PTN: variants seen among roughly 807,000 people sequenced by gnomAD.
The protein encoded by PTN is heparin affin regulatory protein.
In PTN, 18 loss-of-function variants were observed where a neutral mutation model predicts 24.1. That is an observed-to-expected ratio of 0.75 (90% confidence interval 0.52 to 1.11). The LOEUF (loss-of-function observed/expected upper bound fraction) is 1.11, where lower values mean the gene tolerates loss of function less well. Among genes scored for constraint, PTN ranks in the 50% least tolerant of loss-of-function variants. The pLI is 0.00. For synonymous variants in PTN, 78 were observed against 68.6 expected, an observed-to-expected ratio of 1.14 and a Z score of -0.67; for missense variants, 163 against 198.8, an observed-to-expected ratio of 0.82 and a Z score of 1.08.
chr7:137,339,063 T>G (rs1157529916), intron 1 of PTN, among the ~76,000 whole-genome samples: 1 of 147,520 alleles, frequency 6.8e-6, no homozygotes, highest in Non-Finnish European at 1.5e-5. Context: ...AAAAAAGGAG[T>G]GCCCAAAGAA....
intron 1 of PTN, among the ~76,000 whole-genome samples, chr7:137,338,155 T>G (rs1310508715): frequency 6.6e-6 from 1 of 152,152 alleles, no homozygotes; most frequent in African/African-American, 2.4e-5. Flanking sequence ...GCCTTCAATT[T>G]CCGACTCAAG....
At chr7:137,258,761 T>C (rs1808980576) in intron 1 of PTN, among the ~76,000 whole-genome samples, 1 of 152,134 alleles carries the variant, frequency 6.6e-6, no homozygotes, top group Non-Finnish European at 1.5e-5. Flanking sequence ...GTTGATTGTT[T>C]ATTTGTCCTT....
intron 1 of PTN, among the ~76,000 whole-genome samples, chr7:137,321,894 TA>T (rs957591246): frequency 2.6e-4 from 39 of 152,126 alleles, no homozygotes; most frequent in African/African-American, 8.7e-4. Context: ...CTAGGATAAG[TA>T]AAAAAAAGTT....
intron 1 of PTN, among the ~76,000 whole-genome samples, chr7:137,319,874 G>C (rs936549843): frequency 6.6e-6 from 1 of 152,174 alleles, no homozygotes; most frequent in Non-Finnish European, 1.5e-5. Flanking sequence ...TAACATCCAA[G>C]GGCCAAAGGG....
chr7:137,343,654 GACT>G lies in PTN; in HGVS notation c.-220_-218del, dbSNP rs760319601. The G allele has an allele frequency of 1.9e-6, 1 of 517,908 alleles. No individual in the cohort carries two copies. Among genetic ancestry groups the G allele is most frequent in the Non-Finnish European group, 3.9e-6 (1 of 259,388 alleles). 32.1% of individuals were successfully genotyped at this position (517,908 alleles called of 1,614,324 possible). A position where few individuals can be genotyped will look rare whatever the true frequency, so the allele number is the denominator to read the frequency against. ...TGGGGCTCTCTTGGCGGGATTTTTG[GACT>G]GGAAGGCGGGGAACCTGATCCTGCC... is the stretch of plus-strand genomic sequence containing the variant. On this transcript the variant is annotated 5_prime_UTR_variant, in exon 1 of 5. Coordinates refer to ENST00000348225, the MANE Select transcript of PTN (RefSeq NM_002825.7).
intron 1 of PTN, among the ~76,000 whole-genome samples, chr7:137,266,868 C>CTTTTTT (rs57274644): frequency 4.1e-5 from 4 of 98,744 alleles, no homozygotes; most frequent in Admixed American, 1.2e-4. Flanking sequence ...TATAGATGGC[C>CTTTTTT]TTTTTTTTTT....
At chr7:137,292,391 A>G (rs1835534) in intron 1 of PTN, among the ~76,000 whole-genome samples, 94,136 of 151,980 alleles carry the variant, frequency 0.62, 29,590 homozygotes, top group South Asian at 0.7. Context: ...AATCATGGGG[A>G]AGGGTTTTTC....
chr7:137,232,268 C>T (rs998667589), intron 4 of PTN, among the ~76,000 whole-genome samples: 1 of 151,972 alleles, frequency 6.6e-6, no homozygotes, highest in Non-Finnish European at 1.5e-5. Context: ...GTGACTTGTT[C>T]TGTTCCTACC....
chr7:137,330,746 C>T lies in PTN; in HGVS notation c.-2+12693G>A, dbSNP rs186810058. Among the ~76,000 whole-genome samples the T allele has an allele frequency of 1.1e-3, 173 of 152,258 alleles. 2 individuals carry two copies. The Middle Eastern group carries it at 0.017, about 15-fold the overall frequency. ...GATATTGCTTTGTCTTGAAACACTC[C>T]CTCTGAGAAAAACAAGAAGAGGACC... On this transcript the variant is annotated intron_variant, in intron 1 of 4. Coordinates refer to ENST00000348225, the MANE Select transcript of PTN (RefSeq NM_002825.7).
At chr7:137,232,363 G>T (rs73727898) in intron 4 of PTN, among the ~76,000 whole-genome samples, 2,735 of 151,940 alleles carry the variant, frequency 0.018, 75 homozygotes, top group African/African-American at 0.063. Context: ...CCTTTCTTTG[G>T]CCAGTTTTTG....
chr7:137,247,487 G>C (rs1238177740), intron 4 of PTN, among the ~76,000 whole-genome samples: 1 of 152,156 alleles, frequency 6.6e-6, no homozygotes, highest in East Asian at 1.9e-4. Context: ...AGGACATAGA[G>C]AGTAGAAGGA....
At position 137,238,000 on chromosome 7, in the gene PTN, C is replaced by T. The variant is rs372800217; in HGVS notation, c.452-9925G>A. Among the ~76,000 whole-genome samples the T allele has an allele frequency of 1.1e-4, 17 of 152,290 alleles. No homozygotes were observed. The South Asian group carries it at 1.2e-3, about 11-fold the overall frequency. Reference sequence around the variant, plus strand: ...CCGCCTGCATGCATGAACACTAGGACGCTAGAACAATTTTACTTCCTTCTT... The same window carrying T: ...CCGCCTGCATGCATGAACACTAGGATGCTAGAACAATTTTACTTCCTTCTT... On this transcript the variant is annotated intron_variant, in intron 4 of 4. Coordinates refer to ENST00000348225, the MANE Select transcript of PTN (RefSeq NM_002825.7).
intron 1 of PTN, among the ~76,000 whole-genome samples, chr7:137,257,960 G>A (rs7797731): frequency 0.018 from 2,689 of 152,258 alleles, 38 homozygotes; most frequent in East Asian, 0.081. Context: ...TCTACCTTCT[G>A]TAAATAATAC....
At chr7:137,284,246 G>A (rs1366036015) in intron 1 of PTN, among the ~76,000 whole-genome samples, 1 of 151,876 alleles carries the variant, frequency 6.6e-6, no homozygotes, top group Admixed American at 6.6e-5. Context: ...GTGAGCCACC[G>A]CGCCGGGCCG....
At chr7:137,283,396 G>A (rs1809503502) in intron 1 of PTN, among the ~76,000 whole-genome samples, 1 of 151,860 alleles carries the variant, frequency 6.6e-6, no homozygotes, top group Non-Finnish European at 1.5e-5. Context: ...CTTTCATTTA[G>A]GGCTGAGCTC....
chr7:137,337,703 A>G (rs998275848), intron 1 of PTN, among the ~76,000 whole-genome samples: 12 of 152,226 alleles, frequency 7.9e-5, no homozygotes, highest in African/African-American at 2.9e-4. Context: ...GCAAGCCTAT[A>G]TGACATTTGT....
chr7:137,312,087 C>G (rs1809991839), intron 1 of PTN, among the ~76,000 whole-genome samples: 1 of 152,140 alleles, frequency 6.6e-6, no homozygotes, highest in Non-Finnish European at 1.5e-5. Flanking sequence ...AACTCCTAAT[C>G]CCTAATGAAT....
chr7:137,329,453 G>A (rs1241047843), intron 1 of PTN, among the ~76,000 whole-genome samples: 1 of 152,132 alleles, frequency 6.6e-6, no homozygotes, highest in Non-Finnish European at 1.5e-5. Context: ...GGAAGTTAGG[G>A]ACGCCACTGT....
chr7:137,283,952 A>ATTT (rs753374720), intron 1 of PTN, among the ~76,000 whole-genome samples: 2,480 of 48,888 alleles, frequency 0.051, 654 homozygotes, highest in Admixed American at 0.081. Context: ...TGAGCATCAG[A>ATTT]TTTTTTTTTT....
Sources: gnomAD v4.1 joint callset for allele counts (sites outside exome capture counted in the v4.1 genomes callset) on GRCh38, gnomAD v4.1.1 for gene constraint, MANE v1.5 for transcripts, NCBI Gene and HGNC (gene_info 2026-07-23, HGNC 2026-07-21) for gene names.